The following PDE4D variants were observed in gnomAD, a reference collection of about 807,000 sequenced individuals.
The protein encoded by PDE4D is phosphodiesterase 4D, also known as 3',5'-cyclic-AMP phosphodiesterase 4D.
In PDE4D, 24 loss-of-function variants were observed where a neutral mutation model predicts 87.4. The observed-to-expected ratio is 0.27, with a 90% confidence interval of 0.20 to 0.39. PDE4D has a LOEUF of 0.39. Ranked by LOEUF, PDE4D falls within the 10% of genes least tolerant of loss-of-function variation. The pLI, the probability that PDE4D is intolerant of heterozygous loss-of-function variation, is 1.00. For missense variants in PDE4D, 714 were observed against 1,041.0 expected (o/e 0.69, Z 4.32); for synonymous variants, 384 against 383.2 (o/e 1.00, Z -0.02).
chr5:59,316,629 T>C lies in PDE4D; in HGVS notation c.456-100661A>G, dbSNP rs184923415. 2.0e-5 allele frequency among the ~76,000 whole-genome samples: 3 copies of C among 152,288 alleles called. No individual in the cohort carries two copies. The East Asian group carries it at 5.8e-4, about 29-fold the overall frequency. On this transcript the variant is annotated intron_variant, in intron 1 of 14. Coordinates refer to ENST00000340635, the MANE Select transcript of PDE4D (RefSeq NM_001104631.2). ...TGGCTTACATGGAAGAGGAAAAGAC[T>C]ATATCTAGTTATTTAAAACTACCTG...
chr5:60,090,801 T>C (rs568798622), intron 2 of PDE4D, among the ~76,000 whole-genome samples: 1 of 152,290 alleles, frequency 6.6e-6, no homozygotes, highest in East Asian at 1.9e-4. Context: ...CAAAACCTGT[T>C]AGAACTGAAA....
chr5:60,291,534 T>C (rs1328594935), intron 1 of PDE4D, among the ~76,000 whole-genome samples: 1 of 151,774 alleles, frequency 6.6e-6, no homozygotes, highest in East Asian at 1.9e-4. Flanking sequence ...CGAACAAATA[T>C]AACGTTTTTA....
At chr5:59,388,784 A>G (rs2153606881) in intron 1 of PDE4D, among the ~76,000 whole-genome samples, 1 of 152,162 alleles carries the variant, frequency 6.6e-6, no homozygotes, top group East Asian at 1.9e-4. Flanking sequence ...TTAAATATTT[A>G]TTTTTGTTGA....
At chr5:59,535,076 T>TG (rs72213048) in intron 1 of PDE4D, among the ~76,000 whole-genome samples, 1,452 of 107,452 alleles carry the variant, frequency 0.014, 12 homozygotes, top group African/African-American at 0.021. Context: ...TGTGTGTGTG[T>TG]GGGGGGGGGG....
chr5:59,994,282 C>T (rs1039666739), intron 2 of PDE4D, among the ~76,000 whole-genome samples: 2 of 151,188 alleles, frequency 1.3e-5, no homozygotes, highest in African/African-American at 4.9e-5. Context: ...ATAAGAAAAT[C>T]CCCTTAAGAT....
At chr5:60,247,011 A>C (rs565692923) in intron 1 of PDE4D, among the ~76,000 whole-genome samples, 35 of 152,150 alleles carry the variant, frequency 2.3e-4, no homozygotes, top group African/African-American at 8.4e-4. Flanking sequence ...AACCTAAATG[A>C]GGTACAAATC....
chr5:59,284,264 C>T (rs1352915006), intron 1 of PDE4D, among the ~76,000 whole-genome samples: 1 of 152,140 alleles, frequency 6.6e-6, no homozygotes, highest in East Asian at 1.9e-4. Flanking sequence ...TGGTCATCCT[C>T]TCTTCATTTG....
At chr5:59,599,202 G>A (rs909149019) in intron 1 of PDE4D, among the ~76,000 whole-genome samples, 1 of 150,956 alleles carries the variant, frequency 6.6e-6, no homozygotes, top group African/African-American at 2.4e-5. Context: ...ATGAGGACAT[G>A]TAGTAGATAG....
chr5:59,902,151 A>G (rs1350770675), intron 3 of PDE4D, among the ~76,000 whole-genome samples: 1 of 152,154 alleles, frequency 6.6e-6, no homozygotes, highest in African/African-American at 2.4e-5. Flanking sequence ...CAAACAAAGC[A>G]AGTAGCAGAA....
intron 1 of PDE4D, among the ~76,000 whole-genome samples, chr5:60,465,293 T>C (rs1247949393): frequency 6.6e-6 from 1 of 152,180 alleles, no homozygotes; most frequent in African/African-American, 2.4e-5. Context: ...TTCTTTTCAC[T>C]ATGCTTTAGA....
At chr5:59,261,027 G>C (rs1761911196) in intron 1 of PDE4D, among the ~76,000 whole-genome samples, 1 of 151,576 alleles carries the variant, frequency 6.6e-6, no homozygotes, top group Non-Finnish European at 1.5e-5. Context: ...TGGAGCTGCT[G>C]TAACTGCACA....
In PDE4D at chr5:59,829,713, T is replaced by A. The variant is rs546225731; in HGVS notation, c.455+63455A>T. 2.6e-5 allele frequency among the ~76,000 whole-genome samples: 4 copies of A among 152,212 alleles called. No individual in the cohort carries two copies. The East Asian group carries it at 5.8e-4, about 22-fold the overall frequency. The stretch of plus-strand genomic sequence containing the variant: ...ATTTTAAAACCCTTTGCAAAATCAC[T>A]ATTCTAATCTAATTATACAATGATC... On this transcript the variant is annotated intron_variant, in intron 1 of 14. Transcript: ENST00000340635.
At chr5:60,380,485 T>C (rs760806156) in intron 1 of PDE4D, among the ~76,000 whole-genome samples, 11 of 152,242 alleles carry the variant, frequency 7.2e-5, no homozygotes, top group Non-Finnish European at 1.2e-4. Context: ...GGTTCTATAA[T>C]ACGCTCTTTT....
intron 1 of PDE4D, among the ~76,000 whole-genome samples, chr5:59,669,784 C>A (rs56896934): frequency 3.9e-5 from 6 of 152,058 alleles, no homozygotes; most frequent in Non-Finnish European, 4.4e-5. Context: ...GACACCCCCC[C>A]CAATAGTCCA....
chr5:59,382,720 G>T (rs541284300), intron 1 of PDE4D, among the ~76,000 whole-genome samples: 1 of 152,006 alleles, frequency 6.6e-6, no homozygotes, highest in Admixed American at 6.6e-5. Flanking sequence ...ATTTTTGGGG[G>T]TGCTAAATCC....
intron 2 of PDE4D, among the ~76,000 whole-genome samples, chr5:60,092,086 T>C (rs1417651333): frequency 7.4e-6 from 1 of 136,046 alleles, no homozygotes; most frequent in Admixed American, 7.4e-5. Context: ...AAAGAAAATG[T>C]GAAATATATA....
At chr5:59,886,237 G>T (rs974189366) in intron 1 of PDE4D, among the ~76,000 whole-genome samples, 15 of 152,156 alleles carry the variant, frequency 9.9e-5, no homozygotes, top group Non-Finnish European at 1.0e-4. Context: ...ATATACGAAA[G>T]CTATGGGAAA....
chr5:60,016,478 T>C (rs2152848902), intron 2 of PDE4D, among the ~76,000 whole-genome samples: 1 of 152,340 alleles, frequency 6.6e-6, no homozygotes, highest in Admixed American at 6.5e-5. Context: ...ACTCTTCCTT[T>C]CATGAAAGAT....
intron 1 of PDE4D, among the ~76,000 whole-genome samples, chr5:59,245,311 A>C (rs1758631647): frequency 6.6e-6 from 1 of 152,164 alleles, no homozygotes; most frequent in Non-Finnish European, 1.5e-5. Flanking sequence ...CCCAAAAAGG[A>C]AAGTAGCACA....
Sources: gnomAD v4.1 joint callset for allele counts (sites outside exome capture counted in the v4.1 genomes callset) on GRCh38, gnomAD v4.1.1 for gene constraint, MANE v1.5 for transcripts, NCBI Gene and HGNC (gene_info 2026-07-23, HGNC 2026-07-21) for gene names.